The following USP16 variants were observed in gnomAD, a reference collection of about 807,000 sequenced individuals.
USP16 encodes the protein ubiquitin specific peptidase 16.
USP16 carries 77 observed loss-of-function variants against 95.9 expected under a neutral mutation model. The observed-to-expected ratio is 0.80, with a 90% CI of 0.67 to 0.97. The LOEUF is 0.97. USP16 is among the 50% of genes least tolerant of loss of function. The probability of loss-of-function intolerance (pLI) is 0.00; values close to 1 mark genes in which losing one functional copy is unlikely to be tolerated. For missense variants in USP16, 943 were observed against 959.9 expected (o/e 0.98, Z 0.23); for synonymous variants, 303 against 318.2 (o/e 0.95, Z 0.51).
chr21:29,032,599 C>CT (rs963095717), intron 3 of USP16, among the ~76,000 whole-genome samples: 10 of 152,262 alleles, frequency 6.6e-5, no homozygotes, highest in Middle Eastern at 3.4e-3. Flanking sequence ...CAAGTTTGCT[C>CT]TTTTTTTATT....
Position 29,036,255 on chromosome 21 carries a change from G to A in USP16, c.345-16G>A. ...TGTCATTTTGTCATTTTTCATCTCT[G>A]ATTTTTGGGTCACAGGTGTTACGTA... On this transcript the variant is annotated splice_polypyrimidine_tract_variant and intron_variant, in intron 4 of 17. Transcript: ENST00000399976. The A allele has an allele frequency of 6.3e-7, 1 of 1,583,546 alleles. No individual in the cohort carries two copies. The highest frequency in any genetic ancestry group is 8.6e-7 in the Non-Finnish European group (1 of 1,161,658).
intron 13 of USP16, among the ~76,000 whole-genome samples, chr21:29,043,847 A>G (rs922187828): frequency 6.6e-6 from 1 of 152,128 alleles, no homozygotes; most frequent in Non-Finnish European, 1.5e-5. Flanking sequence ...AGTAAGTTTA[A>G]TTAACTTAAT....
intron 3 of USP16, 144 bp downstream of exon 3, chr21:29,030,917 T>C: frequency 5.6e-6 from 5 of 890,254 alleles, no homozygotes; most frequent in Non-Finnish European, 8.1e-6. Context: ...CTGAGATGTG[T>C]GTATAGGTGG....
chr21:29,026,911 C>T (rs897621331), intron 1 of USP16, among the ~76,000 whole-genome samples: 2 of 151,820 alleles, frequency 1.3e-5, no homozygotes, highest in African/African-American at 2.4e-5. Flanking sequence ...GCAATGGGGC[C>T]GAATTTATAA....
At chr21:29,042,451 T>G in intron 11 of USP16, 21 bp from the exon 12 acceptor site, 1 of 1,599,032 alleles carries the variant, frequency 6.3e-7, no homozygotes, top group Non-Finnish European at 8.5e-7. Context: ...ATTTTTACAC[T>G]GTCTTTTCTG....
intron 3 of USP16, among the ~76,000 whole-genome samples, chr21:29,031,525 A>G (rs529745029): frequency 3.9e-5 from 6 of 152,114 alleles, no homozygotes; most frequent in African/African-American, 1.4e-4. Flanking sequence ...GGCAGCCTCC[A>G]CCTCCCAGGT....
chr21:29,042,589 G>A (rs1239221986), intron 12 of USP16, 61 bp downstream of exon 12: 11 of 1,465,204 alleles, frequency 7.5e-6, no homozygotes, highest in African/African-American at 4.3e-5. Context: ...TTTTGTGGGG[G>A]GAAGCCTTGT....
chr21:29,050,252 C>T (rs2085394548), intron 16 of USP16, 74 bp downstream of exon 16: 1 of 1,330,520 alleles, frequency 7.5e-7, no homozygotes, highest in South Asian at 1.3e-5. Context: ...CCAGTAGCAA[C>T]TCACTTAAGT....
chr21:29,044,822 T>G (rs934791941), intron 13 of USP16, among the ~76,000 whole-genome samples: 2 of 152,174 alleles, frequency 1.3e-5, no homozygotes, highest in African/African-American at 4.8e-5. Context: ...CATAATTCAT[T>G]TAACCATTTC....
Position 29,053,952 on chromosome 21 carries a change from C to T in USP16, c.2344C>T (p.Pro782Ser). 1 of 1,614,152 alleles carries T rather than the reference C, an allele frequency of 6.2e-7. No individual in the cohort carries two copies. The highest frequency in any genetic ancestry group is 1.1e-5 in the South Asian group (1 of 91,066). ...LSNLVLHGDI[P>S]QDFEMESKGQ... ...TAATCTTGTTCTTCACGGTGATATT[C>T]CACAAGGTAAGATGTCTTGGAAAAT... is the stretch of plus-strand genomic sequence containing the variant. The change falls in exon 17 of 18, where the codon CCA becomes TCA. Residue 782 changes from proline (P) to serine (S), a missense_variant. Pro to Ser is a moderately conservative substitution (Grantham distance 74). Coordinates refer to ENST00000399976, the MANE Select transcript of USP16 (RefSeq NM_006447.3).
At position 29,047,031 on chromosome 21, in the gene USP16, A is replaced by G. The variant is rs780997217; in HGVS notation, c.1721A>G (p.Asn574Ser). The change falls in exon 14 of 18, where the codon AAT becomes AGT. Residue 574 changes from asparagine (N) to serine (S), a missense_variant. Physicochemically the swap from Asn to Ser is conservative, Grantham distance 46. Transcript: ENST00000399976. ...EGSNGEVDIS[N>S]GFKNLNLNAA... Reference sequence around the variant, plus strand: ...AGCAATGGAGAAGTGGACATTTCCAATGGTTTCAAAAACCTAAATTTGAAT... The same window carrying G: ...AGCAATGGAGAAGTGGACATTTCCAGTGGTTTCAAAAACCTAAATTTGAAT... 1.2e-4 allele frequency: 193 copies of G among 1,613,994 alleles called. 3 individuals are homozygous for G. The highest frequency in any genetic ancestry group is 1.6e-4 in the Middle Eastern group (1 of 6,082).
At position 29,035,935 on chromosome 21, in the gene USP16, AAAAC is replaced by A. The variant is rs200239859; in HGVS notation, c.345-328_345-325del. On this transcript the variant is annotated intron_variant, in intron 4 of 17. Transcript: ENST00000399976. The stretch of plus-strand genomic sequence containing the variant: ...TCCGTCTCAAAAAAAACCAAAAAAC[AAAAC>A]AAACAAAAAAAAGTTGTTATTTTTG... 1.0e-3 allele frequency among the ~76,000 whole-genome samples: 155 copies of A among 152,278 alleles called. 2 individuals are homozygous for A. In the East Asian group the frequency reaches 0.02, roughly 19 times the overall value.
At position 29,024,935 on chromosome 21, in the gene USP16, A is replaced by C. The variant is rs957087977; in HGVS notation, c.-42+158A>C. ...CCGGTACTGCGATCTCATTGGCTGC[A>C]TGTTCTGTCAGTTCCAGAAGCTGGC... On this transcript the variant is annotated intron_variant, in intron 1 of 17. Coordinates refer to ENST00000399976, the MANE Select transcript of USP16 (RefSeq NM_006447.3). 52 of 751,746 alleles carry C rather than the reference A, an allele frequency of 6.9e-5. 1 individual carries two copies. In the South Asian group the frequency reaches 9.4e-4, roughly 14 times the overall value. 46.6% of individuals were successfully genotyped at this position (751,746 alleles called of 1,614,324 possible).
In USP16 at chr21:29,040,651, GA is replaced by G; in HGVS notation, c.998del (p.Lys333SerfsTer6). 1 of 1,547,266 alleles carries G rather than the reference GA, an allele frequency of 6.5e-7. No homozygotes were observed. Among genetic ancestry groups the G allele is most frequent in the Non-Finnish European group, 8.9e-7 (1 of 1,129,856 alleles). On this transcript the variant is annotated frameshift_variant, in exon 10 of 18. Coordinates refer to ENST00000399976, the MANE Select transcript of USP16 (RefSeq NM_006447.3). LOFTEE classifies it high-confidence loss of function. The stretch of plus-strand genomic sequence containing the variant: ...ACTTAAAGCATTTGGTAATTCTACT[GA>G]AAAGTTGGATGAAGAACTAAAAAAT... ...GILKAFGNST[E>X]KLDEELKNKV...
chr21:29,046,160 G>C (rs962830626), intron 13 of USP16, among the ~76,000 whole-genome samples: 5 of 152,080 alleles, frequency 3.3e-5, no homozygotes, highest in Admixed American at 1.3e-4. Context: ...TTTTGAGACA[G>C]AGTCTTGCTC....
At chr21:29,035,151 A>G (rs1313280365) in intron 4 of USP16, among the ~76,000 whole-genome samples, 1 of 152,220 alleles carries the variant, frequency 6.6e-6, no homozygotes, top group Non-Finnish European at 1.5e-5. Flanking sequence ...TAGAAGACTT[A>G]AGAATCTTTA....
intron 1 of USP16, 144 bp downstream of exon 1, chr21:29,024,921 A>T (rs2084963116): frequency 1.2e-6 from 1 of 848,068 alleles, no homozygotes; most frequent in Non-Finnish European, 1.6e-6. Flanking sequence ...CGGTACTGCG[A>T]TCTCATTGGC....
In USP16 at chr21:29,027,903, A is replaced by T. The variant is rs760630243; in HGVS notation, c.-11A>T. The T allele has an allele frequency of 6.2e-7, 1 of 1,613,456 alleles. No homozygotes were observed. The highest frequency in any genetic ancestry group is 1.1e-5 in the South Asian group (1 of 91,066). Reference sequence around the variant, plus strand: ...TATTTTGTGTCAGTAAGTAATCCATAAAGTGCCAACATGGGAAAGAAACGG... The same window carrying T: ...TATTTTGTGTCAGTAAGTAATCCATTAAGTGCCAACATGGGAAAGAAACGG... On this transcript the variant is annotated 5_prime_UTR_variant, in exon 2 of 18. The change abolishes the stop of an existing upstream ORF in the 5' untranslated region. Transcript: ENST00000399976.
intron 5 of USP16, among the ~76,000 whole-genome samples, chr21:29,036,647 AC>A (rs1472446365): frequency 6.6e-6 from 1 of 152,188 alleles, no homozygotes; most frequent in Non-Finnish European, 1.5e-5. Flanking sequence ...CTTACTATAG[AC>A]CTGCCTTACA....
Sources: allele counts gnomAD v4.1 joint callset (sites outside exome capture counted in the v4.1 genomes callset), GRCh38; gene constraint gnomAD v4.1.1; transcripts MANE v1.5; gene names NCBI Gene and HGNC (gene_info 2026-07-23, HGNC 2026-07-21).